CCT8: variants seen among roughly 807,000 people sequenced by gnomAD.
The protein encoded by CCT8 is chaperonin containing TCP1 subunit 8.
Under a neutral mutation model 65.7 loss-of-function variants are expected in CCT8, and 10 were observed. The ratio of observed to expected loss-of-function variants is 0.15; its 90% CI spans 0.09 to 0.26. The LOEUF is 0.26. Among genes scored for constraint, CCT8 ranks in the 10% least tolerant of loss-of-function variants. The pLI is 1.00. For synonymous variants in CCT8, 199 were observed against 221.8 expected (o/e 0.90, Z 0.92); for missense variants, 568 against 669.1 (o/e 0.85, Z 1.67).
At chr21:29,072,400 T>C (rs1222764961) in intron 1 of CCT8, among the ~76,000 whole-genome samples, 2 of 152,218 alleles carry the variant, frequency 1.3e-5, no homozygotes, top group Non-Finnish European at 2.9e-5. Context: ...AAAAAACTAC[T>C]AGCACTGGAA....
At chr21:29,066,653 A>T in intron 6 of CCT8, 63 bp downstream of exon 6, 3 of 1,126,604 alleles carry the variant, frequency 2.7e-6, no homozygotes, top group South Asian at 1.5e-5. Context: ...TTGCACAAAA[A>T]AACAAAAAAA....
chr21:29,063,471 G>T lies in CCT8; in HGVS notation c.822C>A (p.Asn274Lys). 1.2e-6 allele frequency: 2 copies of T among 1,613,980 alleles called. No homozygotes were observed. The highest frequency in any genetic ancestry group is 2.2e-5 in the East Asian group (1 of 44,864). ...ELMNFSKGEENLMDAQVKAIA... is the reference protein window; with the variant it reads ...ELMNFSKGEEKLMDAQVKAIA... ...TAGCTTTGACTTGTGCATCCATGAG[G>T]TTTTCTTCTCCCTTACTAAAATTCA... The change falls in exon 8 of 15, where the codon AAC becomes AAA. Residue 274 changes from asparagine (N) to lysine (K), a missense_variant. Transcript: ENST00000286788.
rs756741855 is a variant in CCT8 at position 29,073,572 on chromosome 21, T to C, written c.19A>G (p.Lys7Glu). Residue 7 changes from lysine (K) to glutamate (E), a missense_variant, in exon 1 of 15, where the codon AAG (lysine) becomes GAG (glutamate). Coordinates refer to ENST00000286788, the MANE Select transcript of CCT8 (RefSeq NM_006585.4). ...AGCATCTGGGCAAAGCCCGGAGCCT[T>C]GGGAACGTGAAGCGCCATGGCCAGC... MALHVP[K>E]APGFAQMLKE... is the part of the protein sequence containing the mutation. 6 of 1,614,144 alleles carry C rather than the reference T, an allele frequency of 3.7e-6. No individual in the cohort carries two copies. Among genetic ancestry groups the C allele is most frequent in the Non-Finnish European group, 4.2e-6 (5 of 1,180,020 alleles).
At chr21:29,068,574 C>T (rs2210257) in intron 3 of CCT8, among the ~76,000 whole-genome samples, 3,165 of 152,128 alleles carry the variant, frequency 0.021, 111 homozygotes, top group African/African-American at 0.072. Context: ...ATTCTCCTGC[C>T]CTAGCCTACT....
intron 11 of CCT8, 31 bp from the exon 12 acceptor site, chr21:29,061,598 T>C (rs750153549): frequency 6.4e-7 from 1 of 1,567,268 alleles, no homozygotes; most frequent in South Asian, 1.1e-5. Context: ...AAAAAAAAAA[T>C]GAACACAAAA....
At chr21:29,071,382 G>A (rs1489793161) in intron 1 of CCT8, among the ~76,000 whole-genome samples, 2 of 151,780 alleles carry the variant, frequency 1.3e-5, no homozygotes, top group African/African-American at 4.8e-5. Context: ...AAGGTTAATA[G>A]CCATTACTCT....
At chr21:29,069,585 G>A (rs2146441182) in intron 2 of CCT8, 83 bp from the exon 3 acceptor site, 1 of 747,578 alleles carries the variant, frequency 1.3e-6, no homozygotes, top group Non-Finnish European at 2.2e-6. Context: ...ATCTAGTTAA[G>A]AAATTATAAA....
rs745945394 is a variant in CCT8, at chr21:29,073,610, G to C, written c.-20C>G. Reference sequence around the variant, plus strand: ...CGCCATGGCCAGCCTGCAGGAAGCAGTTCACGCGACCGCTCGGAAGACCGC... The same window carrying C: ...CGCCATGGCCAGCCTGCAGGAAGCACTTCACGCGACCGCTCGGAAGACCGC... On this transcript the variant is annotated 5_prime_UTR_variant, in exon 1 of 15. Transcript: ENST00000286788. 1.9e-6 allele frequency: 3 copies of C among 1,613,414 alleles called. No individual in the cohort carries two copies. Among genetic ancestry groups the C allele is most frequent in the Middle Eastern group, 1.7e-4 (1 of 6,026 alleles).
chr21:29,065,925 AT>A (rs1405099216), intron 6 of CCT8, among the ~76,000 whole-genome samples: 3 of 152,032 alleles, frequency 2.0e-5, no homozygotes, highest in Admixed American at 2.0e-4. Flanking sequence ...TACTAAAAAA[AT>A]ACAAAAATTA....
chr21:29,057,155 A>G (rs1402796125), intron 14 of CCT8, among the ~76,000 whole-genome samples: 3 of 150,222 alleles, frequency 2.0e-5, no homozygotes, highest in Non-Finnish European at 3.0e-5. Flanking sequence ...TCTAAAATAA[A>G]TAGGTTTTAG....
intron 4 of CCT8, 84 bp downstream of exon 4, chr21:29,067,472 A>G (rs1443029748): frequency 5.4e-6 from 6 of 1,116,430 alleles, no homozygotes; most frequent in Non-Finnish European, 7.2e-6. Context: ...AGCTACTACT[A>G]TAATAATGAT....
rs1339678624 is a variant in CCT8 at position 29,060,680 on chromosome 21, T to C, written c.1450-20A>G. 1.2e-6 allele frequency: 2 copies of C among 1,611,480 alleles called. No individual in the cohort carries two copies. Among genetic ancestry groups the C allele is most frequent in the Non-Finnish European group, 1.7e-6 (2 of 1,178,970 alleles). ...TTCAGCCTGTCAAACACAATTTTCATCCTTTCATTTAAAATCCTTTTATGT... is the reference window on the plus strand; with the variant it reads ...TTCAGCCTGTCAAACACAATTTTCACCCTTTCATTTAAAATCCTTTTATGT... On this transcript the variant is annotated intron_variant, in intron 13 of 14. Coordinates refer to ENST00000286788, the MANE Select transcript of CCT8 (RefSeq NM_006585.4).
intron 1 of CCT8, among the ~76,000 whole-genome samples, chr21:29,070,883 T>C (rs2085672842): frequency 6.6e-6 from 1 of 152,264 alleles, no homozygotes; most frequent in African/African-American, 2.4e-5. Context: ...TGTTAGAATC[T>C]GGGCTTTTGT....
Position 29,061,513 on chromosome 21 carries a change from T to G in CCT8, c.1267A>C (p.Ile423Leu), listed in dbSNP as rs537922342. Residue 423 changes from isoleucine (I) to leucine (L), a missense_variant, in exon 12 of 15, where the codon ATC (isoleucine) becomes CTC (leucine). By Grantham distance (5) the Ile-to-Leu change is conservative. Transcript: ENST00000286788. ...GATEIELAKQ[I>L]TSYGETCPGL... ...AGCTGTACCTCTCCATATGATGTGA[T>G]CTGTTTGGCTAATTCAATTTCTGTT... The G allele has an allele frequency of 2.4e-5, 39 of 1,614,064 alleles. 1 individual carries two copies. The South Asian group carries it at 4.3e-4, about 18-fold the overall frequency.
At chr21:29,059,461 A>G (rs921355651) in intron 14 of CCT8, 1 of 152,196 alleles carries the variant, frequency 6.6e-6, no homozygotes, top group African/African-American at 2.4e-5. Flanking sequence ...TTGCTTGAAT[A>G]ATTGACATTC....
At chr21:29,061,654 T>G (rs1297645668) in intron 11 of CCT8, 87 bp from the exon 12 acceptor site, 13 of 1,243,080 alleles carry the variant, frequency 1.0e-5, no homozygotes, top group Non-Finnish European at 1.4e-5. Flanking sequence ...CTTTTCACAT[T>G]CCAGTACCCC....
At chr21:29,062,689 T>C (rs2146427879) in intron 8 of CCT8, 133 bp from the exon 9 acceptor site, 1 of 707,524 alleles carries the variant, frequency 1.4e-6, no homozygotes, top group Non-Finnish European at 2.3e-6. Context: ...ACTCAGAACA[T>C]GTCTGGATTG....
Position 29,061,631 on chromosome 21 carries a change from G to A in CCT8, c.1213-64C>T, listed in dbSNP as rs2085565508. ...AAACAAATTCACTAAAAATCAGTTT[G>A]CAGTTTTCTAATCTTTTCACATTCC... is the stretch of plus-strand genomic sequence containing the variant. On this transcript the variant is annotated intron_variant, in intron 11 of 14. Coordinates refer to ENST00000286788, the MANE Select transcript of CCT8 (RefSeq NM_006585.4). 10 of 1,514,688 alleles carry A rather than the reference G, an allele frequency of 6.6e-6. No individual in the cohort carries two copies. The South Asian group carries it at 1.1e-4, about 17-fold the overall frequency. The allele number at this position is 1,514,688 out of a possible 1,614,324, so 93.8% of individuals were successfully genotyped here. A position where few individuals can be genotyped will look rare whatever the true frequency, so the allele number is the denominator to read the frequency against.
At chr21:29,066,452 A>G (rs1201507967) in intron 6 of CCT8, among the ~76,000 whole-genome samples, 5 of 152,116 alleles carry the variant, frequency 3.3e-5, no homozygotes, top group African/African-American at 1.2e-4. Context: ...GGACTGGAGA[A>G]TCACTTGAAC....
Sources: gnomAD v4.1 joint callset for allele counts (sites outside exome capture counted in the v4.1 genomes callset) on GRCh38, gnomAD v4.1.1 for gene constraint, MANE v1.5 for transcripts, NCBI Gene and HGNC (gene_info 2026-07-23, HGNC 2026-07-21) for gene names.